Variants in CD27 observed in about 807,000 individuals in gnomAD.
CD27 encodes the protein CD27 molecule, also known as CD27 antigen.
In CD27, 16 loss-of-function variants were observed where a neutral mutation model predicts 25.9. The observed-to-expected ratio is 0.62, with a 90% CI of 0.42 to 0.94. The LOEUF (loss-of-function observed/expected upper bound fraction) is 0.94, where lower values mean the gene tolerates loss of function less well. Ranked by LOEUF, CD27 falls within the 40% of genes least tolerant of loss-of-function variation. CD27 has a pLI of 0.00. For missense variants in CD27, 300 were observed against 333.2 expected (o/e 0.90, Z 0.78); for synonymous variants, 142 against 124.3 (o/e 1.14, Z -0.95).
chr12:6,444,048 TC>T (rs1592116660), upstream of CD27, among the ~76,000 whole-genome samples: 3 of 152,106 alleles, frequency 2.0e-5, no homozygotes, highest in Admixed American at 6.5e-5. Context: ...CTACCTTTAA[TC>T]CCAAGTGCCC....
chr12:6,450,505 C>T lies in CD27; in HGVS notation c.449-36C>T, dbSNP rs1949512692. 1.3e-6 allele frequency: 2 copies of T among 1,597,238 alleles called. No individual in the cohort carries two copies. The highest frequency in any genetic ancestry group is 1.7e-6 in the Non-Finnish European group (2 of 1,166,370). ...GGCCTTCAGATGTGCCCTATGGGGTCCCCTGCTGCTACTCATTCTGTCTCT... is the reference window on the plus strand; with the variant it reads ...GGCCTTCAGATGTGCCCTATGGGGTTCCCTGCTGCTACTCATTCTGTCTCT... On this transcript the variant is annotated intron_variant, in intron 3 of 5. Coordinates refer to ENST00000266557, the MANE Select transcript of CD27 (RefSeq NM_001242.5). The surrounding 1 kb of genome is among the most constrained non-coding windows in gnomAD (Gnocchi z 4.1).
Position 6,445,658 on chromosome 12 carries a change from C to G in CD27, c.268+103C>G. Reference sequence around the variant, plus strand: ...TGCAAGGAGGATGACGGGGCCAAAGCTTTGGCCTTCTTCAAGGCTCACAGC... The same window carrying G: ...TGCAAGGAGGATGACGGGGCCAAAGGTTTGGCCTTCTTCAAGGCTCACAGC... On this transcript the variant is annotated intron_variant, in intron 2 of 5. Transcript: ENST00000266557. This position sits in a 1 kb window ranked among gnomAD's most constrained non-coding sequence, Gnocchi z 4.5. The G allele has an allele frequency of 7.1e-7, 1 of 1,415,360 alleles. No individual in the cohort carries two copies. The highest frequency in any genetic ancestry group is 9.4e-7 in the Non-Finnish European group (1 of 1,059,000). 87.7% of individuals were successfully genotyped at this position (1,415,360 alleles called of 1,614,324 possible). A position where few individuals can be genotyped will look rare whatever the true frequency, so the allele number is the denominator to read the frequency against.
At position 6,450,603 on chromosome 12, in the gene CD27, GC is replaced by G; in HGVS notation, c.514del (p.Arg172GlyfsTer23). ...QTLADFRQLP[A>X]RTLSTHWPPQ... ...TCTGGCTGACTTCAGGCAGCTGCCT[GC>G]CCGGACTCTCTCTACCCACTGGCCA... On this transcript the variant is annotated frameshift_variant, in exon 4 of 6. Transcript: ENST00000266557. LOFTEE classifies it high-confidence loss of function. The surrounding 1 kb of genome is among the most constrained non-coding windows in gnomAD (Gnocchi z 4.1). The G allele has an allele frequency of 6.2e-7, 1 of 1,612,862 alleles. No individual in the cohort carries two copies. The highest frequency in any genetic ancestry group is 8.5e-7 in the Non-Finnish European group (1 of 1,180,016).
At position 6,445,623 on chromosome 12, in the gene CD27, G is replaced by A. The variant is rs559632257; in HGVS notation, c.268+68G>A. The A allele has an allele frequency of 9.5e-5, 148 of 1,564,864 alleles. 1 individual carries two copies. The South Asian group carries it at 1.6e-3, about 17-fold the overall frequency. On this transcript the variant is annotated intron_variant, in intron 2 of 5. Coordinates refer to ENST00000266557, the MANE Select transcript of CD27 (RefSeq NM_001242.5). This position sits in a 1 kb window ranked among gnomAD's most constrained non-coding sequence, Gnocchi z 4.5. ...ATCTGGGGGAGCAAGGCTGGTGACG[G>A]GTTTGGGGGTGCAAGGAGGATGACG...
chr12:6,446,717 GAGGTCC>G (rs1332828477), intron 2 of CD27, among the ~76,000 whole-genome samples: 16 of 145,370 alleles, frequency 1.1e-4, no homozygotes, highest in Admixed American at 1.1e-3. Context: ...AGGTCCCCAA[GAGGTCC>G]AGGCTGCTCA....
Position 6,444,975 on chromosome 12 carries a change from C to A in CD27, c.-121C>A. 8.6e-7 allele frequency: 1 copy of A among 1,165,658 alleles called. No homozygotes were observed. The highest frequency in any genetic ancestry group is 1.2e-6 in the Non-Finnish European group (1 of 860,672). 72.2% of individuals were successfully genotyped at this position (1,165,658 alleles called of 1,614,324 possible). A position where few individuals can be genotyped will look rare whatever the true frequency, so the allele number is the denominator to read the frequency against. ...TCTGCCTTCAAAGGTTGGCTTGCCACCTGAAGCAGCCACTGCCCAGGGGGT... is the reference window on the plus strand; with the variant it reads ...TCTGCCTTCAAAGGTTGGCTTGCCAACTGAAGCAGCCACTGCCCAGGGGGT... On this transcript the variant is annotated 5_prime_UTR_variant, in exon 1 of 6. Transcript: ENST00000266557.
chr12:6,446,110 C>T (rs1368950713), intron 2 of CD27, among the ~76,000 whole-genome samples: 1 of 151,986 alleles, frequency 6.6e-6, no homozygotes. Flanking sequence ...CTTATGAATG[C>T]TGTTATTATT....
rs150872364 is a variant in CD27, at chr12:6,450,631, G to C, written c.538+1G>C. On this transcript the variant is annotated splice_donor_variant, in intron 4 of 5. Transcript: ENST00000266557. LOFTEE classifies it high-confidence loss of function. This position sits in a 1 kb window ranked among gnomAD's most constrained non-coding sequence, Gnocchi z 4.1. Reference sequence around the variant, plus strand: ...CGGACTCTCTCTACCCACTGGCCACGTGAGTTTTCTCCTTAATCCCCACCG... The same window carrying C: ...CGGACTCTCTCTACCCACTGGCCACCTGAGTTTTCTCCTTAATCCCCACCG... 2.5e-6 allele frequency: 4 copies of C among 1,611,220 alleles called. No homozygotes were observed. The highest frequency in any genetic ancestry group is 3.3e-5 in the Admixed American group (2 of 59,992).
At chr12:6,444,394 C>T (rs1411712298), upstream of CD27, among the ~76,000 whole-genome samples, 1 of 152,140 alleles carries the variant, frequency 6.6e-6, no homozygotes, top group African/African-American at 2.4e-5. Flanking sequence ...TGTAAATATT[C>T]AATAGTTTTG....
At chr12:6,449,909 CTCTT>C (rs1239477162) in intron 2 of CD27, among the ~76,000 whole-genome samples, 2 of 152,136 alleles carry the variant, frequency 1.3e-5, no homozygotes, top group Non-Finnish European at 2.9e-5. Context: ...GTCATATAAG[CTCTT>C]TCTACTTTTC....
At chr12:6,451,192 C>T (rs1262634372) in intron 5 of CD27, 76 bp from the exon 6 acceptor site, 1 of 1,577,640 alleles carries the variant, frequency 6.3e-7, no homozygotes, top group Non-Finnish European at 8.6e-7. Context: ...CAAGCGCACC[C>T]GCCTCTACCC....
intron 5 of CD27, 37 bp downstream of exon 5, chr12:6,451,051 G>GCAC (rs1949532971): frequency 1.9e-6 from 3 of 1,612,962 alleles, no homozygotes; most frequent in Non-Finnish European, 2.5e-6. Context: ...TCCTGCCCCT[G>GCAC]CACCACACCC....
At chr12:6,449,007 G>C (rs1292444925) in intron 2 of CD27, among the ~76,000 whole-genome samples, 2 of 149,090 alleles carry the variant, frequency 1.3e-5, no homozygotes, top group Admixed American at 6.7e-5. Context: ...TTTTGTTGGT[G>C]GTGTTTGAGA....
chr12:6,450,093 G>T lies in CD27; in HGVS notation c.269-80G>T, dbSNP rs1291455779. 2 of 1,341,948 alleles carry T rather than the reference G, an allele frequency of 1.5e-6. No individual in the cohort carries two copies. Among genetic ancestry groups the T allele is most frequent in the African/African-American group, 1.4e-5 (1 of 69,986 alleles). The allele number at this position is 1,341,948 out of a possible 1,614,324, so 83.1% of individuals were successfully genotyped here. A position where few individuals can be genotyped will look rare whatever the true frequency, so the allele number is the denominator to read the frequency against. On this transcript the variant is annotated intron_variant, in intron 2 of 5. Coordinates refer to ENST00000266557, the MANE Select transcript of CD27 (RefSeq NM_001242.5). The surrounding 1 kb of genome is among the most constrained non-coding windows in gnomAD (Gnocchi z 4.1). ...CCCTAGAGGTGGGCCTGGGATGGGG[G>T]TTGGGGGATGAAGCAAGTGGACCTT...
At position 6,451,559 on chromosome 12, in the gene CD27, G is replaced by A; in HGVS notation, c.*167G>A. 1.5e-6 allele frequency: 1 copy of A among 674,144 alleles called. No individual in the cohort carries two copies. Among genetic ancestry groups the A allele is most frequent in the East Asian group, 2.8e-5 (1 of 35,696 alleles). The allele number at this position is 674,144 out of a possible 1,614,324, so 41.8% of individuals were successfully genotyped here. A position where few individuals can be genotyped will look rare whatever the true frequency, so the allele number is the denominator to read the frequency against. On this transcript the variant is annotated 3_prime_UTR_variant, in exon 6 of 6. Coordinates refer to ENST00000266557, the MANE Select transcript of CD27 (RefSeq NM_001242.5). ...GCCTTTTCGAGACTGGCAGGGACGA[G>A]GACAAATATGGATGAGGTGGAGAGT... is the stretch of plus-strand genomic sequence containing the variant.
At position 6,450,864 on chromosome 12, in the gene CD27, C is replaced by A. The variant is rs750359267; in HGVS notation, c.539-31C>A. Reference sequence around the variant, plus strand: ...GAGGGAGCCAAGGGCTAGACCCTCCCCTAACCCCTGTGTGTCCCCTCCTAT... The same window carrying A: ...GAGGGAGCCAAGGGCTAGACCCTCCACTAACCCCTGTGTGTCCCCTCCTAT... On this transcript the variant is annotated intron_variant, in intron 4 of 5. Coordinates refer to ENST00000266557, the MANE Select transcript of CD27 (RefSeq NM_001242.5). This position sits in a 1 kb window ranked among gnomAD's most constrained non-coding sequence, Gnocchi z 4.1. The A allele has an allele frequency of 6.2e-7, 1 of 1,613,834 alleles. No individual in the cohort carries two copies. The highest frequency in any genetic ancestry group is 1.1e-5 in the South Asian group (1 of 91,056).
Position 6,450,375 on chromosome 12 carries a change from T to C in CD27, c.448+23T>C. ...GTGGTAAGTTCCAGGCAACTCTCTG[T>C]GCCATCACGTGGGGTAGCGGTGATA... On this transcript the variant is annotated intron_variant, in intron 3 of 5. Coordinates refer to ENST00000266557, the MANE Select transcript of CD27 (RefSeq NM_001242.5). This position sits in a 1 kb window ranked among gnomAD's most constrained non-coding sequence, Gnocchi z 4.1. The C allele has an allele frequency of 3.1e-6, 5 of 1,604,042 alleles. No individual in the cohort carries two copies. The highest frequency in any genetic ancestry group is 4.3e-6 in the Non-Finnish European group (5 of 1,176,026).
At chr12:6,449,023 T>C (rs1270267389) in intron 2 of CD27, among the ~76,000 whole-genome samples, 1 of 151,380 alleles carries the variant, frequency 6.6e-6, no homozygotes, top group African/African-American at 2.4e-5. Flanking sequence ...TGAGACAGGA[T>C]CTCACTCTGT....
At chr12:6,446,269 T>C (rs1949415732) in intron 2 of CD27, among the ~76,000 whole-genome samples, 1 of 152,112 alleles carries the variant, frequency 6.6e-6, no homozygotes, top group African/African-American at 2.4e-5. Flanking sequence ...TTGCAAAACG[T>C]GTTTGGTGTC....
Sources: allele counts gnomAD v4.1 joint callset (sites outside exome capture counted in the v4.1 genomes callset), GRCh38; gene constraint gnomAD v4.1.1; non-coding constraint Gnocchi (gnomAD v3.1); transcripts MANE v1.5; gene names NCBI Gene and HGNC (gene_info 2026-07-23, HGNC 2026-07-21).